The following CEP112 variants were observed in gnomAD, a reference collection of about 807,000 sequenced individuals.
The protein encoded by CEP112 is centrosomal protein of 112 kDa.
A neutral mutation model predicts 153.0 loss-of-function variants in CEP112; 127 were observed. That is an observed-to-expected ratio of 0.83 (90% CI 0.72 to 0.96). The LOEUF is 0.96. Ranked by LOEUF, CEP112 falls within the 40% of genes least tolerant of loss-of-function variation. CEP112 has a pLI of 0.00. For synonymous variants in CEP112, 358 were observed against 374.4 expected (o/e 0.96, Z 0.51); for missense variants, 1,089 against 1,101.2 (o/e 0.99, Z 0.16).
intron 21 of CEP112, among the ~76,000 whole-genome samples, chr17:65,824,479 T>C (rs1041307333): frequency 2.0e-5 from 3 of 152,174 alleles, no homozygotes; most frequent in Admixed American, 2.0e-4. Context: ...CTTGATGTGG[T>C]GATGGTTTGT....
intron 10 of CEP112, 58 bp downstream of exon 10, chr17:66,066,720 C>G: frequency 8.5e-7 from 1 of 1,179,986 alleles, no homozygotes; most frequent in Non-Finnish European, 1.2e-6. Flanking sequence ...TTTTTCTCCA[C>G]ATCACTAAAA....
chr17:65,995,399 G>A (rs184197765), intron 17 of CEP112, among the ~76,000 whole-genome samples: 41 of 152,276 alleles, frequency 2.7e-4, no homozygotes, highest in Non-Finnish European at 4.4e-4. Flanking sequence ...TTTGATATAG[G>A]TGGGAAAATA....
chr17:65,998,106 G>T (rs1041240036), intron 17 of CEP112, among the ~76,000 whole-genome samples: 24 of 151,984 alleles, frequency 1.6e-4, no homozygotes, highest in Non-Finnish European at 3.2e-4. Context: ...TGTGCTTGGG[G>T]TGGTGGCTCA....
chr17:66,107,542 C>T (rs2068837991), intron 6 of CEP112, among the ~76,000 whole-genome samples: 1 of 151,828 alleles, frequency 6.6e-6, no homozygotes, highest in Non-Finnish European at 1.5e-5. Flanking sequence ...ATTCCATTTA[C>T]AATAGATACA....
chr17:65,692,102 C>T (rs370597855), intron 23 of CEP112, among the ~76,000 whole-genome samples: 18 of 152,128 alleles, frequency 1.2e-4, no homozygotes, highest in Non-Finnish European at 2.2e-4. Context: ...ATTTTTAACC[C>T]TTACGACAAT....
At chr17:65,908,732 T>A (rs59637280) in intron 19 of CEP112, among the ~76,000 whole-genome samples, 54,546 of 151,290 alleles carry the variant, frequency 0.36, 11,676 homozygotes, top group Non-Finnish European at 0.5. Context: ...CCACCCACCA[T>A]GCTACTCCAC....
chr17:66,118,621 A>G (rs773811504), intron 6 of CEP112, among the ~76,000 whole-genome samples: 1 of 152,184 alleles, frequency 6.6e-6, no homozygotes, highest in Non-Finnish European at 1.5e-5. Flanking sequence ...AAATATAGCT[A>G]GATAGAAGGA....
rs942002556 is a variant in CEP112 at position 65,700,090 on chromosome 17, C to T, written c.2608-10872G>A. Among the ~76,000 whole-genome samples the T allele has an allele frequency of 2.0e-5, 3 of 150,286 alleles. No homozygotes were observed. In the Admixed American group the frequency reaches 2.0e-4, roughly 10 times the overall value. ...TCCTCCTTCCCACATGCTTTCTGCT[C>T]CTCCTCCTCTTCCTCCTCCTCCTCC... On this transcript the variant is annotated intron_variant, in intron 23 of 26. Coordinates refer to ENST00000535342, the MANE Select transcript of CEP112 (RefSeq NM_001199165.4).
At chr17:65,833,864 T>A (rs1414183933) in intron 21 of CEP112, among the ~76,000 whole-genome samples, 1 of 152,170 alleles carries the variant, frequency 6.6e-6, no homozygotes, top group East Asian at 1.9e-4. Flanking sequence ...AATATTCATA[T>A]GAAACCAAAA....
intron 23 of CEP112, among the ~76,000 whole-genome samples, chr17:65,697,077 A>C (rs908954206): frequency 1.3e-5 from 2 of 152,224 alleles, no homozygotes; most frequent in Non-Finnish European, 2.9e-5. Context: ...TATAATTTAC[A>C]TACAATCCAA....
chr17:65,694,882 C>CAAGAT lies in CEP112; in HGVS notation c.2608-5669_2608-5665dup, dbSNP rs960107570. ...TTTTAGTTTCTTCCTGAGAAAAGCC[C>CAAGAT]AAGATAATTAAAGAACAGAATGTCC... On this transcript the variant is annotated intron_variant, in intron 23 of 26. Coordinates refer to ENST00000535342, the MANE Select transcript of CEP112 (RefSeq NM_001199165.4). Among the ~76,000 whole-genome samples, 39 of 152,114 alleles carry CAAGAT rather than the reference C, an allele frequency of 2.6e-4. 1 individual carries two copies. The highest frequency in any genetic ancestry group is 1.2e-4 in the Non-Finnish European group (8 of 68,014).
At chr17:66,172,127 A>C (rs1302401090) in intron 4 of CEP112, among the ~76,000 whole-genome samples, 3 of 152,220 alleles carry the variant, frequency 2.0e-5, no homozygotes, top group Admixed American at 2.0e-4. Flanking sequence ...CTACTTGTTC[A>C]TGAATGCATT....
At chr17:65,834,071 G>C (rs866396409) in intron 21 of CEP112, among the ~76,000 whole-genome samples, 5 of 152,028 alleles carry the variant, frequency 3.3e-5, no homozygotes, top group Non-Finnish European at 2.9e-5. Flanking sequence ...CCTGATCTTT[G>C]ACAAAGATGA....
intron 21 of CEP112, among the ~76,000 whole-genome samples, chr17:65,772,599 CACACACACACACACACACAG>C (rs756927706): frequency 1.3e-3 from 154 of 122,122 alleles, no homozygotes; most frequent in South Asian, 5.7e-3. Flanking sequence ...CACACACACA[CACACACACACACACACACAG>C]ACAGCCCCTT....
chr17:66,114,335 T>C (rs2069187653), intron 6 of CEP112, among the ~76,000 whole-genome samples: 1 of 152,188 alleles, frequency 6.6e-6, no homozygotes, highest in Non-Finnish European at 1.5e-5. Context: ...ACTTGTTTTT[T>C]AAAATTACTT....
intron 1 of CEP112, among the ~76,000 whole-genome samples, chr17:66,186,132 A>G (rs2072924277): frequency 6.6e-6 from 1 of 151,786 alleles, no homozygotes; most frequent in African/African-American, 2.4e-5. Flanking sequence ...ACCAAGATCC[A>G]TCCTGCCACT....
chr17:66,170,639 T>A (rs1427325964), intron 4 of CEP112, among the ~76,000 whole-genome samples: 1 of 152,114 alleles, frequency 6.6e-6, no homozygotes, highest in African/African-American at 2.4e-5. Flanking sequence ...GGTACGCACC[T>A]GTAATCCCAG....
chr17:65,900,348 A>G (rs1665388741), intron 20 of CEP112, among the ~76,000 whole-genome samples: 1 of 152,190 alleles, frequency 6.6e-6, no homozygotes, highest in South Asian at 2.1e-4. Flanking sequence ...AAATTACAGC[A>G]TTTGAGGAGG....
At chr17:66,014,014 A>G (rs1452387674) in intron 16 of CEP112, among the ~76,000 whole-genome samples, 1 of 152,226 alleles carries the variant, frequency 6.6e-6, no homozygotes, top group African/African-American at 2.4e-5. Flanking sequence ...GCAGCACTGC[A>G]ACACAGCAGC....
Sources: allele counts gnomAD v4.1 joint callset (sites outside exome capture counted in the v4.1 genomes callset), GRCh38; gene constraint gnomAD v4.1.1; transcripts MANE v1.5; gene names NCBI Gene and HGNC (gene_info 2026-07-23, HGNC 2026-07-21).